The following DLGAP4 variants were observed in gnomAD, a reference collection of about 807,000 sequenced individuals.
DLGAP4 encodes the protein DLG associated protein 4.
In DLGAP4, 18 loss-of-function variants were observed where a neutral mutation model predicts 86.9. The observed-to-expected ratio is 0.21, with a 90% confidence interval of 0.14 to 0.31. DLGAP4 has a LOEUF of 0.31. Ranked by LOEUF, DLGAP4 falls within the 10% of genes least tolerant of loss-of-function variation. The pLI, the probability that DLGAP4 is intolerant of heterozygous loss-of-function variation, is 1.00. For synonymous variants in DLGAP4, 548 were observed against 574.3 expected (o/e 0.95, Z 0.65); for missense variants, 1,085 against 1,362.6 (o/e 0.80, Z 3.21).
intron 10 of DLGAP4, among the ~76,000 whole-genome samples, chr20:36,502,554 G>A (rs1358538917): frequency 6.6e-6 from 1 of 151,838 alleles, no homozygotes; most frequent in Non-Finnish European, 1.5e-5. Context: ...GTCTCCCTGC[G>A]TTGCCTAGGC....
intron 1 of DLGAP4, among the ~76,000 whole-genome samples, chr20:36,338,193 G>C (rs782000293): frequency 6.6e-6 from 1 of 152,204 alleles, no homozygotes; most frequent in African/African-American, 2.4e-5. Flanking sequence ...CTGAGAGCTG[G>C]GCACTGGCAG....
chr20:36,495,541 G>A (rs2035851801), intron 7 of DLGAP4, among the ~76,000 whole-genome samples: 1 of 152,212 alleles, frequency 6.6e-6, no homozygotes, highest in Non-Finnish European at 1.5e-5. Flanking sequence ...AGCTACTGTT[G>A]GAAAAGCACT....
chr20:36,461,743 G>GTCCA (rs1378140659), intron 7 of DLGAP4: 1 of 903,782 alleles, frequency 1.1e-6, no homozygotes, highest in Non-Finnish European at 1.3e-6. Context: ...CCGTCCGTCC[G>GTCCA]TCCGTCCGCC....
chr20:36,382,805 C>T (rs1482605717), intron 2 of DLGAP4, among the ~76,000 whole-genome samples: 1 of 152,152 alleles, frequency 6.6e-6, no homozygotes, highest in African/African-American at 2.4e-5. Context: ...GCTGGGATTA[C>T]AGGCGTGAGC....
chr20:36,365,526 G>T (rs1299985254), intron 1 of DLGAP4, among the ~76,000 whole-genome samples: 1 of 152,180 alleles, frequency 6.6e-6, no homozygotes, highest in Non-Finnish European at 1.5e-5. Flanking sequence ...GGGGGAGGCT[G>T]CATCGTCCTG....
intron 1 of DLGAP4, among the ~76,000 whole-genome samples, chr20:36,366,449 T>C (rs2030691537): frequency 1.3e-5 from 2 of 152,166 alleles, no homozygotes; most frequent in Non-Finnish European, 2.9e-5. Context: ...TTCCCTCCGC[T>C]CTCACACGAG....
At chr20:36,418,143 C>T (rs1374720621) in intron 2 of DLGAP4, among the ~76,000 whole-genome samples, 1 of 150,966 alleles carries the variant, frequency 6.6e-6, no homozygotes, top group African/African-American at 2.4e-5. Context: ...GAGGGAGTCT[C>T]GCTCTTGCCG....
chr20:36,317,963 G>A (rs1289058788), intron 1 of DLGAP4, among the ~76,000 whole-genome samples: 1 of 151,998 alleles, frequency 6.6e-6, no homozygotes, highest in Non-Finnish European at 1.5e-5. Context: ...GCATGGCCCA[G>A]CACAGCCTCT....
At chr20:36,328,223 A>T (rs1157765780) in intron 1 of DLGAP4, among the ~76,000 whole-genome samples, 10 of 152,106 alleles carry the variant, frequency 6.6e-5, no homozygotes, top group African/African-American at 2.4e-4. Context: ...AATAAAAAAT[A>T]AAAATTCTAA....
chr20:36,414,743 C>T (rs1052684817), intron 2 of DLGAP4, among the ~76,000 whole-genome samples: 5 of 152,220 alleles, frequency 3.3e-5, no homozygotes, highest in African/African-American at 4.8e-5. Flanking sequence ...TGTTCCTGTC[C>T]CCCTCCAGTT....
intron 7 of DLGAP4, among the ~76,000 whole-genome samples, chr20:36,484,394 C>T (rs763720548): frequency 2.0e-5 from 3 of 152,170 alleles, no homozygotes; most frequent in Non-Finnish European, 4.4e-5. Context: ...GGAAAAAAGC[C>T]CCTCATACCC....
intron 10 of DLGAP4, among the ~76,000 whole-genome samples, chr20:36,513,039 C>G (rs2036811927): frequency 7.0e-6 from 1 of 143,454 alleles, no homozygotes; most frequent in Non-Finnish European, 1.5e-5. Context: ...GTAACCTCCA[C>G]CTGCCAGGCT....
intron 1 of DLGAP4, among the ~76,000 whole-genome samples, chr20:36,318,104 T>TCACACA (rs1341409069): frequency 9.4e-5 from 10 of 106,580 alleles, no homozygotes; most frequent in African/African-American, 4.0e-4. Flanking sequence ...AAATGTGTCC[T>TCACACA]CTCACACACA....
rs893778442 is a variant in DLGAP4, at chr20:36,465,596, C to T, written c.1648+18659C>T. 1.1e-3 allele frequency among the ~76,000 whole-genome samples: 164 copies of T among 152,138 alleles called. 5 individuals are homozygous for T. Among genetic ancestry groups the T allele is most frequent in the Non-Finnish European group, 1.6e-4 (11 of 68,020 alleles). Reference sequence around the variant, plus strand: ...TTGACATTTCCCCAGTCTCTGAGCTCATCTTGAATTTAAAAGGAGGCTATC... The same window carrying T: ...TTGACATTTCCCCAGTCTCTGAGCTTATCTTGAATTTAAAAGGAGGCTATC... On this transcript the variant is annotated intron_variant, in intron 7 of 12. Transcript: ENST00000339266.
chr20:36,353,357 T>A (rs1555893596), intron 1 of DLGAP4, among the ~76,000 whole-genome samples: 1 of 152,198 alleles, frequency 6.6e-6, no homozygotes, highest in Non-Finnish European at 1.5e-5. Context: ...TGACCTCAGC[T>A]GTCCCTGAAA....
intron 2 of DLGAP4, among the ~76,000 whole-genome samples, chr20:36,382,899 T>C (rs2147448324): frequency 6.6e-6 from 1 of 152,272 alleles, no homozygotes; most frequent in South Asian, 2.1e-4. Context: ...TATCTTGACC[T>C]AGCACATAGT....
intron 2 of DLGAP4, among the ~76,000 whole-genome samples, chr20:36,371,105 G>A (rs892100416): frequency 3.3e-5 from 5 of 152,308 alleles, no homozygotes; most frequent in Non-Finnish European, 5.9e-5. Context: ...TATCCTGTGC[G>A]TGCAGAAAGC....
chr20:36,374,706 C>T (rs1239170760), intron 2 of DLGAP4, among the ~76,000 whole-genome samples: 1 of 152,244 alleles, frequency 6.6e-6, no homozygotes, highest in Non-Finnish European at 1.5e-5. Flanking sequence ...AAATTCCTTC[C>T]CACCCTGAGT....
chr20:36,493,532 C>T (rs993675789), intron 7 of DLGAP4, among the ~76,000 whole-genome samples: 1 of 152,212 alleles, frequency 6.6e-6, no homozygotes, highest in Non-Finnish European at 1.5e-5. Context: ...CAGGCCTCTG[C>T]CTCCGTCGAG....
Sources: allele counts gnomAD v4.1 joint callset (sites outside exome capture counted in the v4.1 genomes callset), GRCh38; gene constraint gnomAD v4.1.1; transcripts MANE v1.5; gene names NCBI Gene and HGNC (gene_info 2026-07-23, HGNC 2026-07-21).